PFDN6: variants seen among roughly 807,000 people sequenced by gnomAD.
PFDN6 encodes HLA class II region expressed gene KE2.
PFDN6 carries 5 observed loss-of-function variants against 19.3 expected under a neutral mutation model. The ratio of observed to expected loss-of-function variants is 0.26; its 90% CI spans 0.14 to 0.55. PFDN6 has a LOEUF of 0.55. PFDN6 is among the 20% of genes least tolerant of loss of function. PFDN6 has a pLI of 0.94. For synonymous variants in PFDN6, 51 were observed against 63.4 expected (o/e 0.80, Z 0.93); for missense variants, 101 against 149.4 (o/e 0.68, Z 1.69).
upstream of PFDN6, chr6:33,289,584 T>C (rs1264900901): frequency 2.9e-6 from 2 of 699,748 alleles, no homozygotes; most frequent in Non-Finnish European, 4.1e-6. Context: ...CAGCATTCCT[T>C]GTTTACTTCC....
chr6:33,290,318 T>TC lies in PFDN6; in HGVS notation c.136-6dup. 1 of 1,610,122 alleles carries TC rather than the reference T, an allele frequency of 6.2e-7. No individual in the cohort carries two copies. Among genetic ancestry groups the TC allele is most frequent in the Non-Finnish European group, 8.5e-7 (1 of 1,176,946 alleles). On this transcript the variant is annotated splice_polypyrimidine_tract_variant and splice_region_variant and intron_variant, in intron 2 of 3. Coordinates refer to ENST00000374606, the MANE Select transcript of PFDN6 (RefSeq NM_001185181.3). Reference sequence around the variant, plus strand: ...GTTCTGATCACATATGTCCCATCCCTCCATCAGGAACTGGCCCTGCTGGAT... The same window carrying TC: ...GTTCTGATCACATATGTCCCATCCCTCCCATCAGGAACTGGCCCTGCTGGAT...
Position 33,290,192 on chromosome 6 carries a change from CG to C in PFDN6, c.87del (p.Arg30GlyfsTer8). The C allele has an allele frequency of 6.2e-7, 1 of 1,614,120 alleles. No individual in the cohort carries two copies. The highest frequency in any genetic ancestry group is 8.5e-7 in the Non-Finnish European group (1 of 1,180,010). ...QLQKDLSKSMSGRQKLEAQLT... is the reference protein window; with the variant it reads ...QLQKDLSKSMXGRQKLEAQLT... ...TCCCCAGACTTAAGTAAATCCATGTCGGGGAGGCAGAAACTTGAAGCACAAC... is the reference window on the plus strand; with the variant it reads ...TCCCCAGACTTAAGTAAATCCATGTCGGGAGGCAGAAACTTGAAGCACAAC... On this transcript the variant is annotated frameshift_variant, in exon 2 of 4. Transcript: ENST00000374606. LOFTEE classifies it high-confidence loss of function.
At position 33,290,721 on chromosome 6, in the gene PFDN6, G is replaced by T; in HGVS notation, c.266G>T (p.Arg89Leu). The T allele has an allele frequency of 1.2e-6, 2 of 1,613,142 alleles. No homozygotes were observed. Among genetic ancestry groups the T allele is most frequent in the Non-Finnish European group, 1.7e-6 (2 of 1,179,880 alleles). ...TCTCCCTTGTCTCTCCTTAGTAAGC[G>T]ATACGAATCCCAGCTTCGGGATCTT... Reference protein sequence around the residue: ...RLDYITAEIKRYESQLRDLER... With the variant: ...RLDYITAEIKLYESQLRDLER... Residue 89 changes from arginine to leucine, a missense_variant, in exon 4 of 4, where the codon CGA (arginine) becomes CTA (leucine). By Grantham distance (102) the Arg-to-Leu change is moderately radical (BLOSUM62 -2). This residue lies in a region of PFDN6 where 54 missense variants were observed against 108.8 expected (regional missense o/e 0.50). Coordinates refer to ENST00000374606, the MANE Select transcript of PFDN6 (RefSeq NM_001185181.3).
chr6:33,290,434 T>A lies in PFDN6; in HGVS notation c.244T>A (p.Tyr82Asn), dbSNP rs1767237080. Residue 82 changes from tyrosine (Y) to asparagine (N), a missense_variant, in exon 3 of 4, where the codon TAT becomes AAT. Coordinates refer to ENST00000374606, the MANE Select transcript of PFDN6 (RefSeq NM_001185181.3). ...ARATVGKRLD[Y>N]ITAEIKRYES... ...GGCCACAGTAGGGAAGAGGCTGGAC[T>A]ATATCACAGCTGAAATGTGAGTTTT... 1.3e-6 allele frequency: 2 copies of A among 1,567,598 alleles called. No homozygotes were observed. Among genetic ancestry groups the A allele is most frequent in the African/African-American group, 2.7e-5 (2 of 73,202 alleles).
Position 33,290,823 on chromosome 6 carries a change from C to A in PFDN6, c.368C>A (p.Ala123Glu), listed in dbSNP as rs1427534352. Reference sequence around the variant, plus strand: ...TTCCAGCGGGCCCAGGCAGCAAAGGCAGGGGCTCCTGGCAAGGCCTGACCC... The same window carrying A: ...TTCCAGCGGGCCCAGGCAGCAAAGGAAGGGGCTCCTGGCAAGGCCTGACCC... ...QEFQRAQAAKAGAPGKA is the reference protein window; with the variant it reads ...QEFQRAQAAKEGAPGKA The change falls in exon 4 of 4, where the codon GCA becomes GAA. Residue 123 changes from alanine to glutamate, a missense_variant. Ala to Glu is a moderately radical substitution (Grantham distance 107). This residue lies in a region of PFDN6 where 47 missense variants were observed against 40.6 expected (regional missense o/e 1.16). Coordinates refer to ENST00000374606, the MANE Select transcript of PFDN6 (RefSeq NM_001185181.3). 10 of 1,602,154 alleles carry A rather than the reference C, an allele frequency of 6.2e-6. No individual in the cohort carries two copies. Among genetic ancestry groups the A allele is most frequent in the Non-Finnish European group, 7.6e-6 (9 of 1,179,570 alleles).
chr6:33,289,893 G>T lies in PFDN6; in HGVS notation c.37G>T (p.Val13Leu), dbSNP rs919222944. ...GATCCAGAAGAAGCTACAGGGAGAA[G>T]TGGAGAAATATCAACAGCTACAGAA... ...ELIQKKLQGEVEKYQQLQKDL... is the reference protein window; with the variant it reads ...ELIQKKLQGELEKYQQLQKDL... The change falls in exon 1 of 4, where the codon GTG (valine) becomes TTG (leucine). Residue 13 changes from valine (V) to leucine (L), a missense_variant. Transcript: ENST00000374606. 6.2e-7 allele frequency: 1 copy of T among 1,609,604 alleles called. No individual in the cohort carries two copies. The highest frequency in any genetic ancestry group is 1.3e-5 in the African/African-American group (1 of 74,722).
rs764936607 is a variant in PFDN6 at position 33,290,865 on chromosome 6, G to A, written c.*20G>A. 4.2e-5 allele frequency: 65 copies of A among 1,552,570 alleles called. No homozygotes were observed. The highest frequency in any genetic ancestry group is 5.6e-5 in the Non-Finnish European group (64 of 1,144,794). On this transcript the variant is annotated 3_prime_UTR_variant, in exon 4 of 4. Coordinates refer to ENST00000374606, the MANE Select transcript of PFDN6 (RefSeq NM_001185181.3). ...GCCTGACCCCATGGTGGGGGGAGGG[G>A]AGGGGAGGGGAGGGAATGAGGCAGC...
chr6:33,289,854 G>T lies in PFDN6; in HGVS notation c.-3G>T, dbSNP rs747785668. On this transcript the variant is annotated 5_prime_UTR_variant, in exon 1 of 4. Transcript: ENST00000374606. ...TCGCACCCAGTAGGCTTTCATCCCC[G>T]CCATGGCGGAGCTGATCCAGAAGAA... 3.1e-6 allele frequency: 5 copies of T among 1,595,230 alleles called. No homozygotes were observed. Among genetic ancestry groups the T allele is most frequent in the African/African-American group, 1.4e-5 (1 of 74,010 alleles).
In PFDN6 at chr6:33,289,612, AG is replaced by A; in HGVS notation, c.-243del. 1 of 607,304 alleles carries A rather than the reference AG, an allele frequency of 1.6e-6. No homozygotes were observed. The highest frequency in any genetic ancestry group is 2.5e-6 in the Non-Finnish European group (1 of 397,558). The allele number at this position is 607,304 out of a possible 1,614,324, so 37.6% of individuals were successfully genotyped here. On this transcript the variant is annotated 5_prime_UTR_variant, in exon 1 of 4. Coordinates refer to ENST00000374606, the MANE Select transcript of PFDN6 (RefSeq NM_001185181.3). ...TTACTTCCGGGTTTATTACTACTGA[AG>A]GAAGAACGTGAGTAGGTTAGGATTT...
chr6:33,290,838 A>G lies in PFDN6; in HGVS notation c.383A>G (p.Lys128Arg). ...AQAAKAGAPG[K>R]A is the part of the protein sequence containing the mutation. Reference sequence around the variant, plus strand: ...GCAGCAAAGGCAGGGGCTCCTGGCAAGGCCTGACCCCATGGTGGGGGGAGG... The same window carrying G: ...GCAGCAAAGGCAGGGGCTCCTGGCAGGGCCTGACCCCATGGTGGGGGGAGG... The change falls in exon 4 of 4, where the codon AAG becomes AGG. Residue 128 changes from lysine to arginine, a missense_variant. This residue lies in a region of PFDN6 where 47 missense variants were observed against 40.6 expected (regional missense o/e 1.16). Coordinates refer to ENST00000374606, the MANE Select transcript of PFDN6 (RefSeq NM_001185181.3). 6.4e-7 allele frequency: 1 copy of G among 1,552,852 alleles called. No individual in the cohort carries two copies. The highest frequency in any genetic ancestry group is 8.7e-7 in the Non-Finnish European group (1 of 1,147,368).
chr6:33,289,782 A>G lies in PFDN6; in HGVS notation c.-75A>G, dbSNP rs113266590. The G allele has an allele frequency of 8.0e-7, 1 of 1,242,832 alleles. No individual in the cohort carries two copies. Among genetic ancestry groups the G allele is most frequent in the Non-Finnish European group, 1.1e-6 (1 of 889,400 alleles). The allele number at this position is 1,242,832 out of a possible 1,614,324, so 77.0% of individuals were successfully genotyped here. ...ATCATTTCCGCAGGCCAGATCAGAA[A>G]AGGGAGCTCAGGTACCTTCCAGAGA... On this transcript the variant is annotated 5_prime_UTR_variant, in exon 1 of 4. Coordinates refer to ENST00000374606, the MANE Select transcript of PFDN6 (RefSeq NM_001185181.3).
Position 33,289,901 on chromosome 6 carries a change from A to G in PFDN6, c.45A>G (p.Lys15=), listed in dbSNP as rs184734292. Residue 15 remains lysine, a synonymous_variant, in exon 1 of 4, where the codon AAA becomes AAG. Transcript: ENST00000374606. ...IQKKLQGEVE[K]YQQLQKDLSK... is the part of the protein sequence containing the mutation. ...AGAAGCTACAGGGAGAAGTGGAGAA[A>G]TATCAACAGCTACAGAAGGGTAAGG... 1 of 1,609,248 alleles carries G rather than the reference A, an allele frequency of 6.2e-7. No homozygotes were observed. Among genetic ancestry groups the G allele is most frequent in the East Asian group, 2.2e-5 (1 of 44,772 alleles).
Position 33,289,716 on chromosome 6 carries a change from G to T in PFDN6, c.-141G>T, listed in dbSNP as rs1174298472. 3.1e-6 allele frequency: 2 copies of T among 635,814 alleles called. No individual in the cohort carries two copies. The highest frequency in any genetic ancestry group is 3.6e-5 in the Admixed American group (1 of 27,868). The allele number at this position is 635,814 out of a possible 1,614,324, so 39.4% of individuals were successfully genotyped here. On this transcript the variant is annotated 5_prime_UTR_variant, in exon 1 of 4. Transcript: ENST00000374606. ...GTGGAGTCGATATCCGGGACGGGGG[G>T]GAGGTTGCGGTGCCCCTCAGGGCTA...
Position 33,289,930 on chromosome 6 carries a change from C to G in PFDN6, c.64+10C>G. 1 of 1,602,712 alleles carries G rather than the reference C, an allele frequency of 6.2e-7. No homozygotes were observed. Among genetic ancestry groups the G allele is most frequent in the Non-Finnish European group, 8.5e-7 (1 of 1,173,804 alleles). ...CAACAGCTACAGAAGGGTAAGGGAA[C>G]AGGGTCGGTATGGTCTCGCCCAATG... On this transcript the variant is annotated intron_variant, in intron 1 of 3. Coordinates refer to ENST00000374606, the MANE Select transcript of PFDN6 (RefSeq NM_001185181.3).
In PFDN6 at chr6:33,290,373, T is replaced by G; in HGVS notation, c.183T>G (p.Gly61=). 1 of 1,608,892 alleles carries G rather than the reference T, an allele frequency of 6.2e-7. No individual in the cohort carries two copies. Among genetic ancestry groups the G allele is most frequent in the Non-Finnish European group, 8.5e-7 (1 of 1,176,946 alleles). ...CCAACGTGGTCTTTAAACTTCTGGG[T>G]CCGGTGCTAGTCAAACAGGAGCTGG... ...DGSNVVFKLL[G]PVLVKQELGE... is the part of the protein sequence containing the mutation. The change falls in exon 3 of 4, where the codon GGT becomes GGG. Residue 61 remains glycine, a synonymous_variant. Transcript: ENST00000374606.
In PFDN6 at chr6:33,290,879, G is replaced by T; in HGVS notation, c.*34G>T. 1.3e-6 allele frequency: 2 copies of T among 1,534,864 alleles called. No individual in the cohort carries two copies. The highest frequency in any genetic ancestry group is 8.8e-7 in the Non-Finnish European group (1 of 1,132,756). ...TGGGGGGAGGGGAGGGGAGGGGAGG[G>T]AATGAGGCAGCTCTAGGATCTATAC... On this transcript the variant is annotated 3_prime_UTR_variant, in exon 4 of 4. Coordinates refer to ENST00000374606, the MANE Select transcript of PFDN6 (RefSeq NM_001185181.3).
upstream of PFDN6, chr6:33,289,281 G>A (rs932025830): frequency 6.7e-6 from 10 of 1,502,108 alleles, no homozygotes; most frequent in Admixed American, 2.3e-5. Flanking sequence ...AGCGTACCAG[G>A]TATGAAGCTC....
chr6:33,290,526 T>C, intron 3 of PFDN6, 76 bp downstream of exon 3: 1 of 1,512,126 alleles, frequency 6.6e-7, no homozygotes, highest in Middle Eastern at 2.1e-4. Context: ...GTTGAACCAT[T>C]GCAGAACAGC....
intron 1 of PFDN6, 53 bp from the exon 2 acceptor site, chr6:33,290,121 G>A: frequency 6.4e-7 from 1 of 1,566,892 alleles, no homozygotes; most frequent in Non-Finnish European, 8.8e-7. Context: ...CTAGGATTGT[G>A]GGGATAGGTG....
Sources: allele counts gnomAD v4.1 joint callset, GRCh38; gene constraint gnomAD v4.1.1; regional missense constraint gnomAD v4.1.1; transcripts MANE v1.5; gene names NCBI Gene and HGNC (gene_info 2026-07-23, HGNC 2026-07-21).